Variants in HIVEP1 observed in about 807,000 individuals in gnomAD.
HIVEP1 encodes the protein HIVEP zinc finger 1.
Under a neutral mutation model 180.0 loss-of-function variants are expected in HIVEP1, and 36 were observed. The ratio of observed to expected loss-of-function variants is 0.20; its 90% confidence interval spans 0.15 to 0.26. The LOEUF (loss-of-function observed/expected upper bound fraction) is 0.26, where lower values mean the gene tolerates loss of function less well. HIVEP1 is among the 10% of genes least tolerant of loss of function. The pLI is 1.00. For missense variants in HIVEP1, 3,143 were observed against 3,268.7 expected (o/e 0.96, Z 0.94); for synonymous variants, 1,239 against 1,239.0 (o/e 1.00, Z 0.00).
chr6:12,211,464 C>CAT, the HIVEP1 span, among the ~76,000 whole-genome samples: 5,335 of 101,030 alleles, frequency 0.053, 351 homozygotes, highest in African/African-American at 0.16. Context: ...CACTTTCCAT[C>CAT]ATATATATAT....
At chr6:12,211,467 AT>A in the HIVEP1 span, among the ~76,000 whole-genome samples, 4 of 26,544 alleles carry the variant, frequency 1.5e-4, no homozygotes, top group South Asian at 0.014. Context: ...TTTCCATCAT[AT>A]ATATATGTAT....
intron 3 of HIVEP1, among the ~76,000 whole-genome samples, chr6:12,108,698 A>G (rs1002214141): frequency 3.3e-5 from 5 of 152,302 alleles, no homozygotes; most frequent in African/African-American, 1.2e-4. Flanking sequence ...GGGCCCGCCA[A>G]GCCCACGCCC....
chr6:12,207,487 G>A, the HIVEP1 span, among the ~76,000 whole-genome samples: 1 of 151,992 alleles, frequency 6.6e-6, no homozygotes, highest in Non-Finnish European at 1.5e-5. Context: ...AATTGCTATT[G>A]AATTCCTGCA....
intron 7 of HIVEP1, among the ~76,000 whole-genome samples, chr6:12,139,375 T>C (rs1252207108): frequency 2.0e-5 from 3 of 152,188 alleles, no homozygotes; most frequent in Non-Finnish European, 4.4e-5. Context: ...CATTCCAAGA[T>C]GGCCAAATAG....
chr6:12,061,277 C>T (rs1158267783), intron 2 of HIVEP1, among the ~76,000 whole-genome samples: 1 of 152,144 alleles, frequency 6.6e-6, no homozygotes, highest in African/African-American at 2.4e-5. Context: ...AACAATTAAA[C>T]CAAATGTACA....
In HIVEP1 at chr6:12,028,492, C is replaced by T. The variant is rs1768729569; in HGVS notation, c.40+12824C>T. On this transcript the variant is annotated intron_variant, in intron 2 of 8. Coordinates refer to ENST00000379388, the MANE Select transcript of HIVEP1 (RefSeq NM_002114.4). ...CTTTATTTATCCTTCTGTATGTTGA[C>T]AGTTTAGGTTGATCTATCATGTTTT... Among the ~76,000 whole-genome samples, 3 of 152,124 alleles carry T rather than the reference C, an allele frequency of 2.0e-5. No homozygotes were observed. In the South Asian group the frequency reaches 6.2e-4, roughly 31 times the overall value.
At chr6:12,117,039 C>T (rs955125063) in intron 3 of HIVEP1, among the ~76,000 whole-genome samples, 12 of 152,080 alleles carry the variant, frequency 7.9e-5, no homozygotes, top group African/African-American at 2.9e-4. Context: ...AATGGTGTGA[C>T]AATTCAGTTG....
At chr6:12,075,462 G>T (rs941202817) in intron 2 of HIVEP1, among the ~76,000 whole-genome samples, 2 of 152,098 alleles carry the variant, frequency 1.3e-5, no homozygotes, top group African/African-American at 4.8e-5. Context: ...CTCTGCGCTG[G>T]CCTTTAGCTG....
chr6:12,143,655 A>G (rs1346862222), intron 7 of HIVEP1, among the ~76,000 whole-genome samples: 3 of 152,216 alleles, frequency 2.0e-5, no homozygotes, highest in Non-Finnish European at 4.4e-5. Flanking sequence ...TCAGCCCAAA[A>G]TCTCCTTAAG....
At position 12,163,560 on chromosome 6, in the gene HIVEP1, T is replaced by C; in HGVS notation, c.7256T>C (p.Leu2419Pro). Residue 2419 changes from leucine to proline, a missense_variant, in exon 9 of 9, where the codon CTT (leucine) becomes CCT (proline). This residue lies in a region of HIVEP1 where 595 missense variants were observed against 602.2 expected (regional missense o/e 0.99). Transcript: ENST00000379388. ...AGLTYSTFVP[L>P]QAGPVQLTIP... ...CTCACATACTCCACGTTTGTGCCCC[T>C]TCAGGCTGGACCAGTGCAGCTCACG... The C allele has an allele frequency of 6.2e-7, 1 of 1,614,208 alleles. No homozygotes were observed. The highest frequency in any genetic ancestry group is 8.5e-7 in the Non-Finnish European group (1 of 1,180,018).
intron 2 of HIVEP1, among the ~76,000 whole-genome samples, chr6:12,072,775 T>C (rs1772069099): frequency 6.6e-6 from 1 of 152,240 alleles, no homozygotes; most frequent in African/African-American, 2.4e-5. Context: ...TTTCAGCTAT[T>C]GTACTTTTCT....
the HIVEP1 span, among the ~76,000 whole-genome samples, chr6:12,202,376 C>T: frequency 6.5e-4 from 99 of 152,130 alleles, 1 homozygote; most frequent in Non-Finnish European, 1.2e-3. Context: ...TGGGCTCAAG[C>T]GATCCTCCTG....
intron 7 of HIVEP1, among the ~76,000 whole-genome samples, chr6:12,156,184 C>G (rs190274696): frequency 6.6e-6 from 1 of 152,256 alleles, no homozygotes; most frequent in African/African-American, 2.4e-5. Context: ...AAAATTTTCT[C>G]CCATTCTGTA....
the HIVEP1 span, among the ~76,000 whole-genome samples, chr6:12,206,835 T>G: frequency 2.0e-5 from 3 of 151,910 alleles, no homozygotes; most frequent in Non-Finnish European, 2.9e-5. Context: ...TTTTGTGCAG[T>G]TTCTATGTTG....
chr6:12,147,452 A>G (rs1232027106), intron 7 of HIVEP1, among the ~76,000 whole-genome samples: 1 of 152,162 alleles, frequency 6.6e-6, no homozygotes, highest in African/African-American at 2.4e-5. Context: ...ATGTTCTCAA[A>G]TGTTCTGGAG....
chr6:12,148,583 ATCT>A (rs1184479150), intron 7 of HIVEP1, among the ~76,000 whole-genome samples: 3 of 152,146 alleles, frequency 2.0e-5, no homozygotes, highest in African/African-American at 4.8e-5. Context: ...ATCATCTCTC[ATCT>A]TCTTAATCTA....
At chr6:12,162,023 T>A (rs895741978) in intron 8 of HIVEP1, 94 bp downstream of exon 8, 8 of 1,217,112 alleles carry the variant, frequency 6.6e-6, no homozygotes, top group Non-Finnish European at 9.2e-6. Context: ...TGCACTTAAG[T>A]GATTTTTTTA....
At chr6:12,046,561 A>G (rs1386903282) in intron 2 of HIVEP1, among the ~76,000 whole-genome samples, 1 of 152,106 alleles carries the variant, frequency 6.6e-6, no homozygotes, top group Non-Finnish European at 1.5e-5. Flanking sequence ...TGGGTGGATC[A>G]CGAGGTCAAG....
chr6:12,101,435 GAGGAAAA>G (rs1774107496), intron 3 of HIVEP1, among the ~76,000 whole-genome samples: 1 of 151,882 alleles, frequency 6.6e-6, no homozygotes, highest in South Asian at 2.1e-4. Flanking sequence ...ATAACAAAAG[GAGGAAAA>G]AGGAAAATAG....
Sources: allele counts gnomAD v4.1 joint callset (sites outside exome capture counted in the v4.1 genomes callset), GRCh38; gene constraint gnomAD v4.1.1; regional missense constraint gnomAD v4.1.1; transcripts MANE v1.5; gene names NCBI Gene and HGNC (gene_info 2026-07-23, HGNC 2026-07-21).